The following LRRC8D variants were observed in gnomAD, a reference collection of about 807,000 sequenced individuals.
The protein encoded by LRRC8D is volume-regulated anion channel subunit LRRC8D.
LRRC8D carries 20 observed loss-of-function variants against 55.8 expected under a neutral mutation model. The ratio of observed to expected loss-of-function variants is 0.36; its 90% CI spans 0.25 to 0.52. The LOEUF (loss-of-function observed/expected upper bound fraction) is 0.52. Ranked by LOEUF, LRRC8D falls within the 20% of genes least tolerant of loss-of-function variation. The probability of loss-of-function intolerance (pLI) is 0.93; values close to 1 mark genes in which losing one functional copy is unlikely to be tolerated. For synonymous variants in LRRC8D, 352 were observed against 377.0 expected, an observed-to-expected ratio of 0.93 and a Z score of 0.77; for missense variants, 651 against 1,030.8, an observed-to-expected ratio of 0.63 and a Z score of 5.05.
chr1:89,930,668 G>A (rs1663683722), intron 2 of LRRC8D, among the ~76,000 whole-genome samples: 1 of 151,998 alleles, frequency 6.6e-6, no homozygotes, highest in African/African-American at 2.4e-5. Context: ...CCCCAGGTAT[G>A]ACTGTTACGT....
chr1:89,924,817 TAAAAC>T (rs1227260938), intron 2 of LRRC8D, among the ~76,000 whole-genome samples: 2 of 151,864 alleles, frequency 1.3e-5, no homozygotes, highest in African/African-American at 4.8e-5. Flanking sequence ...TACAGAAACA[TAAAAC>T]CAAATACCAC....
Position 89,934,166 on chromosome 1 carries a change from C to A in LRRC8D, c.1098C>A (p.Leu366=), listed in dbSNP as rs1479497744. The A allele has an allele frequency of 2.5e-6, 4 of 1,614,116 alleles. No homozygotes were observed. In the East Asian group the frequency reaches 8.9e-5, roughly 36 times the overall value. The change falls in exon 3 of 3, where the codon CTC becomes CTA. Residue 366 remains leucine, a synonymous_variant. Transcript: ENST00000337338. This position sits in a 1 kb window ranked among gnomAD's most constrained non-coding sequence, Gnocchi z 5.9. ...TGGCTTACATGTTGAAAAAGCTTCTCATCAGTTACATATCCATTATTTGTG... is the reference window on the plus strand; with the variant it reads ...TGGCTTACATGTTGAAAAAGCTTCTAATCAGTTACATATCCATTATTTGTG... ...HNMAYMLKKL[L]ISYISIICVY... is the part of the protein sequence containing the mutation.
At chr1:89,928,418 G>T (rs756969553) in intron 2 of LRRC8D, among the ~76,000 whole-genome samples, 22 of 152,102 alleles carry the variant, frequency 1.4e-4, no homozygotes, top group Non-Finnish European at 2.4e-4. Context: ...TGAAGGAAAA[G>T]GTAGTGCTTG....
chr1:89,865,006 A>G (rs1352212924), intron 2 of LRRC8D, among the ~76,000 whole-genome samples: 1 of 152,114 alleles, frequency 6.6e-6, no homozygotes, highest in Non-Finnish European at 1.5e-5. Context: ...CCTAAACTGG[A>G]TTAGGTCCCC....
chr1:89,933,238 T>G lies in LRRC8D; in HGVS notation c.170T>G (p.Val57Gly). 6.2e-7 allele frequency: 1 copy of G among 1,614,208 alleles called. No individual in the cohort carries two copies. The highest frequency in any genetic ancestry group is 8.5e-7 in the Non-Finnish European group (1 of 1,180,044). The change falls in exon 3 of 3, where the codon GTA becomes GGA. Residue 57 changes from valine (V) to glycine (G), a missense_variant. Coordinates refer to ENST00000337338, the MANE Select transcript of LRRC8D (RefSeq NM_001134479.2). This position sits in a 1 kb window ranked among gnomAD's most constrained non-coding sequence, Gnocchi z 7.0. ...AAAGATCAGGTGGTCTGTTTGCCAG[T>G]ATTGCCATCTCCTGTAAATTCAAAG... ...LTKDQVVCLP[V>G]LPSPVNSKAH...
At chr1:89,920,351 T>C (rs751199334) in intron 2 of LRRC8D, among the ~76,000 whole-genome samples, 7 of 152,166 alleles carry the variant, frequency 4.6e-5, no homozygotes, top group Admixed American at 1.3e-4. Flanking sequence ...CTTTTAAGTG[T>C]TAAATGGATT....
chr1:89,922,669 A>G (rs143406806), intron 2 of LRRC8D, among the ~76,000 whole-genome samples: 1,745 of 152,314 alleles, frequency 0.011, 13 homozygotes, highest in Non-Finnish European at 0.02. Context: ...GATTTTACCA[A>G]TGAGGCATGA....
At chr1:89,876,601 A>G (rs899440201) in intron 2 of LRRC8D, among the ~76,000 whole-genome samples, 1 of 152,186 alleles carries the variant, frequency 6.6e-6, no homozygotes, top group Non-Finnish European at 1.5e-5. Flanking sequence ...GAGATCAGAT[A>G]TTAAGGGAAA....
intron 2 of LRRC8D, among the ~76,000 whole-genome samples, chr1:89,892,772 G>A (rs958259706): frequency 3.9e-5 from 6 of 152,038 alleles, no homozygotes; most frequent in African/African-American, 1.4e-4. Context: ...CACCCACCTC[G>A]GCCTTCCAAA....
rs1557455236 is a variant in LRRC8D, at chr1:89,860,780, AAAAAAATATATAT to A, written c.-3+17000_-3+17012del. Among the ~76,000 whole-genome samples the A allele has an allele frequency of 1.2e-3, 103 of 87,020 alleles. 2 individuals are homozygous for A. Among genetic ancestry groups the A allele is most frequent in the African/African-American group, 3.8e-3 (101 of 26,756 alleles). 57.1% of individuals were successfully genotyped at this position (87,020 alleles called of 152,430 possible). A position where few individuals can be genotyped will look rare whatever the true frequency, so the allele number is the denominator to read the frequency against. Reference sequence around the variant, plus strand: ...TCAAAAAAAAAAAAAAAAAAAAAAAAAAAAAATATATATATATATATATATATATACACACACA... The same window carrying A: ...TCAAAAAAAAAAAAAAAAAAAAAAAAATATATATATATATATACACACACA... On this transcript the variant is annotated intron_variant, in intron 2 of 2. Coordinates refer to ENST00000337338, the MANE Select transcript of LRRC8D (RefSeq NM_001134479.2).
At chr1:89,924,564 G>T (rs1663507100) in intron 2 of LRRC8D, among the ~76,000 whole-genome samples, 1 of 152,166 alleles carries the variant, frequency 6.6e-6, no homozygotes, top group African/African-American at 2.4e-5. Flanking sequence ...TCTCTATTGT[G>T]TATATACCCA....
chr1:89,844,100 CA>C (rs1278620278), intron 2 of LRRC8D, among the ~76,000 whole-genome samples: 1 of 152,212 alleles, frequency 6.6e-6, no homozygotes, highest in Non-Finnish European at 1.5e-5. Context: ...CTGCCCTCTC[CA>C]CCCTCTCCTC....
intron 2 of LRRC8D, among the ~76,000 whole-genome samples, chr1:89,887,938 T>C (rs932725204): frequency 6.6e-6 from 1 of 152,240 alleles, no homozygotes; most frequent in Admixed American, 6.5e-5. Flanking sequence ...GATCATACCC[T>C]GAGTTTATTA....
chr1:89,869,810 C>T (rs927029899), intron 2 of LRRC8D, among the ~76,000 whole-genome samples: 10 of 152,156 alleles, frequency 6.6e-5, no homozygotes, highest in African/African-American at 2.2e-4. Context: ...ATTCAACATT[C>T]TTAAATAAAA....
chr1:89,931,956 A>G (rs1423214499), intron 2 of LRRC8D, among the ~76,000 whole-genome samples: 2 of 152,166 alleles, frequency 1.3e-5, no homozygotes, highest in African/African-American at 4.8e-5. Flanking sequence ...AGAACCTCTC[A>G]AGAAATGAAA....
At chr1:89,919,591 G>T (rs149265942) in intron 2 of LRRC8D, among the ~76,000 whole-genome samples, 1 of 152,108 alleles carries the variant, frequency 6.6e-6, no homozygotes, top group Non-Finnish European at 1.5e-5. Context: ...TGCAAGCAAA[G>T]CTCCCATTAC....
At chr1:89,844,806 G>T (rs1013067714) in intron 2 of LRRC8D, among the ~76,000 whole-genome samples, 2 of 152,180 alleles carry the variant, frequency 1.3e-5, no homozygotes, top group African/African-American at 4.8e-5. Context: ...TATCTACCTG[G>T]TGAAACTCTA....
intron 1 of LRRC8D, among the ~76,000 whole-genome samples, chr1:89,837,629 C>A (rs1661031015): frequency 6.6e-6 from 1 of 152,202 alleles, no homozygotes; most frequent in Non-Finnish European, 1.5e-5. Context: ...ACTCCTACCT[C>A]ATAGGGTTGT....
intron 2 of LRRC8D, among the ~76,000 whole-genome samples, chr1:89,913,499 T>C (rs781590067): frequency 6.6e-6 from 1 of 152,246 alleles, no homozygotes; most frequent in African/African-American, 2.4e-5. Context: ...TAGAAAAGTA[T>C]GCCATGCAGA....
Sources: gnomAD v4.1 joint callset for allele counts (sites outside exome capture counted in the v4.1 genomes callset) on GRCh38, gnomAD v4.1.1 for gene constraint, Gnocchi (gnomAD v3.1) non-coding constraint, MANE v1.5 for transcripts, NCBI Gene and HGNC (gene_info 2026-07-23, HGNC 2026-07-21) for gene names.